RNF224: variants seen among roughly 807,000 people sequenced by gnomAD.
RNF224 encodes the protein ring finger protein 224.
RNF224 carries 1 observed loss-of-function variant against 2.9 expected under a neutral mutation model. The observed-to-expected ratio is 0.35, with a 90% confidence interval of 0.12 to 1.66. The LOEUF (loss-of-function observed/expected upper bound fraction) is 1.66, where lower values mean the gene tolerates loss of function less well. Ranked by LOEUF, RNF224 falls within the 40% of genes most tolerant of loss-of-function variation. The pLI, the probability that RNF224 is intolerant of heterozygous loss-of-function variation, is 0.35. For synonymous variants in RNF224, 116 were observed against 97.6 expected, an observed-to-expected ratio of 1.19 and a Z score of -1.11; for missense variants, 254 against 221.8, an observed-to-expected ratio of 1.15 and a Z score of -0.92.
At position 137,229,078 on chromosome 9, in the gene RNF224, G is replaced by C. The variant is rs761579574; in HGVS notation, c.463G>C (p.Glu155Gln). 3 of 1,522,344 alleles carry C rather than the reference G, an allele frequency of 2.0e-6. No individual in the cohort carries two copies. The highest frequency in any genetic ancestry group is 2.6e-6 in the Non-Finnish European group (3 of 1,135,790). 94.3% of individuals were successfully genotyped at this position (1,522,344 alleles called of 1,614,324 possible). A position where few individuals can be genotyped will look rare whatever the true frequency, so the allele number is the denominator to read the frequency against. ...SLCCPPLGSP[E>Q]V ...CTGCTGCCCACCCCTAGGCAGCCCCGAGGTCTGAACTCTGGCCATTCCCAC... is the reference window on the plus strand; with the variant it reads ...CTGCTGCCCACCCCTAGGCAGCCCCCAGGTCTGAACTCTGGCCATTCCCAC... Residue 155 changes from glutamate to glutamine, a missense_variant, in exon 3 of 3, where the codon GAG becomes CAG. Coordinates refer to ENST00000445101, the MANE Select transcript of RNF224 (RefSeq NM_001190228.2).
Position 137,229,193 on chromosome 9 carries a change from T to C in RNF224, c.*107T>C. Reference sequence around the variant, plus strand: ...AGAACAACCTGGCAGTAGCATCCTATACGCAGCTTCGTGTGGCCCAGCAGG... The same window carrying C: ...AGAACAACCTGGCAGTAGCATCCTACACGCAGCTTCGTGTGGCCCAGCAGG... On this transcript the variant is annotated 3_prime_UTR_variant, in exon 3 of 3. Transcript: ENST00000445101. 1 of 666,378 alleles carries C rather than the reference T, an allele frequency of 1.5e-6. No homozygotes were observed. The highest frequency in any genetic ancestry group is 2.6e-6 in the Non-Finnish European group (1 of 388,782). 41.3% of individuals were successfully genotyped at this position (666,378 alleles called of 1,614,324 possible).
At position 137,228,223 on chromosome 9, in the gene RNF224, G is replaced by T; in HGVS notation, c.-113G>T. The T allele has an allele frequency of 1.9e-6, 2 of 1,078,650 alleles. No individual in the cohort carries two copies. Among genetic ancestry groups the T allele is most frequent in the South Asian group, 2.8e-5 (2 of 72,176 alleles). The allele number at this position is 1,078,650 out of a possible 1,614,324, so 66.8% of individuals were successfully genotyped here. A position where few individuals can be genotyped will look rare whatever the true frequency, so the allele number is the denominator to read the frequency against. Reference sequence around the variant, plus strand: ...ACAGCTGGCCACCTGCCTCTCTCCTGACTCCCGTGCAAGGCCAGTAATGCA... The same window carrying T: ...ACAGCTGGCCACCTGCCTCTCTCCTTACTCCCGTGCAAGGCCAGTAATGCA... On this transcript the variant is annotated 5_prime_UTR_variant, in exon 2 of 3. Transcript: ENST00000445101.
intron 2 of RNF224, 54 bp from the exon 3 acceptor site, chr9:137,228,568 T>C: frequency 7.4e-7 from 1 of 1,355,916 alleles, no homozygotes; most frequent in Non-Finnish European, 9.7e-7. Flanking sequence ...CAGCACCCCA[T>C]CCAGGCGGAA....
At position 137,229,094 on chromosome 9, in the gene RNF224, C is replaced by T; in HGVS notation, c.*8C>T. Reference sequence around the variant, plus strand: ...GGCAGCCCCGAGGTCTGAACTCTGGCCATTCCCACCCCTGCAGGGGAAATG... The same window carrying T: ...GGCAGCCCCGAGGTCTGAACTCTGGTCATTCCCACCCCTGCAGGGGAAATG... On this transcript the variant is annotated 3_prime_UTR_variant, in exon 3 of 3. Coordinates refer to ENST00000445101, the MANE Select transcript of RNF224 (RefSeq NM_001190228.2). 1.4e-6 allele frequency: 2 copies of T among 1,454,656 alleles called. No individual in the cohort carries two copies. The highest frequency in any genetic ancestry group is 5.0e-5 in the East Asian group (2 of 40,134). The allele number at this position is 1,454,656 out of a possible 1,614,324, so 90.1% of individuals were successfully genotyped here.
In RNF224 at chr9:137,228,227, C is replaced by T; in HGVS notation, c.-109C>T. ...CTGGCCACCTGCCTCTCTCCTGACT[C>T]CCGTGCAAGGCCAGTAATGCAACCC... On this transcript the variant is annotated 5_prime_UTR_variant, in exon 2 of 3. Coordinates refer to ENST00000445101, the MANE Select transcript of RNF224 (RefSeq NM_001190228.2). The T allele has an allele frequency of 8.9e-7, 1 of 1,122,884 alleles. No homozygotes were observed. Among genetic ancestry groups the T allele is most frequent in the South Asian group, 1.4e-5 (1 of 73,658 alleles). 69.6% of individuals were successfully genotyped at this position (1,122,884 alleles called of 1,614,324 possible). A position where few individuals can be genotyped will look rare whatever the true frequency, so the allele number is the denominator to read the frequency against.
In RNF224 at chr9:137,229,249, G is replaced by A; in HGVS notation, c.*163G>A. 1 of 603,162 alleles carries A rather than the reference G, an allele frequency of 1.7e-6. No individual in the cohort carries two copies. The highest frequency in any genetic ancestry group is 2.9e-6 in the Non-Finnish European group (1 of 338,988). 37.4% of individuals were successfully genotyped at this position (603,162 alleles called of 1,614,324 possible). The stretch of plus-strand genomic sequence containing the variant: ...GTCATCCCAGCCGTGAACATCCCAG[G>A]CCACAGCCTAAGGTTGGGGGCTGGG... On this transcript the variant is annotated 3_prime_UTR_variant, in exon 3 of 3. Coordinates refer to ENST00000445101, the MANE Select transcript of RNF224 (RefSeq NM_001190228.2).
At position 137,229,138 on chromosome 9, in the gene RNF224, AC is replaced by A; in HGVS notation, c.*54del. The A allele has an allele frequency of 9.3e-7, 1 of 1,070,316 alleles. No homozygotes were observed. The highest frequency in any genetic ancestry group is 1.4e-6 in the Non-Finnish European group (1 of 737,694). 66.3% of individuals were successfully genotyped at this position (1,070,316 alleles called of 1,614,324 possible). The stretch of plus-strand genomic sequence containing the variant: ...GGAAATGCCTGCCTTGGAACCCCTG[AC>A]CACACACCATCATGGGTTCAGCCCA... On this transcript the variant is annotated 3_prime_UTR_variant, in exon 3 of 3. Coordinates refer to ENST00000445101, the MANE Select transcript of RNF224 (RefSeq NM_001190228.2).
At position 137,228,900 on chromosome 9, in the gene RNF224, G is replaced by A; in HGVS notation, c.285G>A (p.Lys95=). 6.5e-7 allele frequency: 1 copy of A among 1,535,740 alleles called. No homozygotes were observed. Among genetic ancestry groups the A allele is most frequent in the Non-Finnish European group, 8.7e-7 (1 of 1,146,814 alleles). Residue 95 remains lysine, a synonymous_variant, in exon 3 of 3, where the codon AAG becomes AAA. Transcript: ENST00000445101. ...ACCTGGCTGCTTTCCTGGCGGTCAA[G>A]GCTGAGCGGGAGCCGGCAAGACTAG... is the stretch of plus-strand genomic sequence containing the variant. ...DLDLAAFLAV[K]AEREPARLEP...
chr9:137,228,896 TC>T lies in RNF224; in HGVS notation c.282del (p.Lys95ArgfsTer9). On this transcript the variant is annotated frameshift_variant, in exon 3 of 3. Transcript: ENST00000445101. LOFTEE classifies it low-confidence loss of function (END_TRUNC). Reference protein sequence around the residue: ...LDLDLAAFLAVKAEREPARLE... With the variant: ...LDLDLAAFLAXKAEREPARLE... ...CTGGACCTGGCTGCTTTCCTGGCGG[TC>T]AAGGCTGAGCGGGAGCCGGCAAGAC... 6.5e-7 allele frequency: 1 copy of T among 1,535,596 alleles called. No homozygotes were observed. Among genetic ancestry groups the T allele is most frequent in the Non-Finnish European group, 8.7e-7 (1 of 1,146,764 alleles).
Position 137,229,502 on chromosome 9 carries a change from G to C in RNF224, c.*416G>C. The stretch of plus-strand genomic sequence containing the variant: ...AGGGCCGGTCTGGCTATGCCTGGCG[G>C]GCTGCCCAGAGCAGGTCTCCCCTCT... On this transcript the variant is annotated 3_prime_UTR_variant, in exon 3 of 3. Transcript: ENST00000445101. 1 of 221,336 alleles carries C rather than the reference G, an allele frequency of 4.5e-6. No homozygotes were observed. The highest frequency in any genetic ancestry group is 9.1e-6 in the Non-Finnish European group (1 of 110,064). 13.7% of individuals were successfully genotyped at this position (221,336 alleles called of 1,614,324 possible).
chr9:137,228,642 C>T lies in RNF224; in HGVS notation c.27C>T (p.Pro9=), dbSNP rs1208918122. The T allele has an allele frequency of 4.8e-6, 7 of 1,447,638 alleles. No individual in the cohort carries two copies. The highest frequency in any genetic ancestry group is 1.4e-5 in the African/African-American group (1 of 70,296). The allele number at this position is 1,447,638 out of a possible 1,614,324, so 89.7% of individuals were successfully genotyped here. Residue 9 remains proline, a synonymous_variant, in exon 3 of 3, where the codon CCC becomes CCT. Coordinates refer to ENST00000445101, the MANE Select transcript of RNF224 (RefSeq NM_001190228.2). MQDAAAGG[P]PGLGGGGPPE... ...GGCAGGATGCTGCAGCCGGAGGGCC[C>T]CCAGGCCTCGGAGGAGGGGGGCCCC...
Position 137,229,148 on chromosome 9 carries a change from A to C in RNF224, c.*62A>C. On this transcript the variant is annotated 3_prime_UTR_variant, in exon 3 of 3. Transcript: ENST00000445101. ...GCCTTGGAACCCCTGACCACACACCATCATGGGTTCAGCCCACTCAGAACA... is the reference window on the plus strand; with the variant it reads ...GCCTTGGAACCCCTGACCACACACCCTCATGGGTTCAGCCCACTCAGAACA... 1 of 981,456 alleles carries C rather than the reference A, an allele frequency of 1.0e-6. No homozygotes were observed. Among genetic ancestry groups the C allele is most frequent in the Non-Finnish European group, 1.5e-6 (1 of 659,956 alleles). The allele number at this position is 981,456 out of a possible 1,614,324, so 60.8% of individuals were successfully genotyped here.
At position 137,228,181 on chromosome 9, in the gene RNF224, G is replaced by C. The variant is rs1025161596; in HGVS notation, c.-155G>C. On this transcript the variant is annotated 5_prime_UTR_variant, in exon 2 of 3. Transcript: ENST00000445101. ...AGTTTCAAGGCTTTGTGGCTGAAAC[G>C]GGAGCCCACGCCCGCCACAGCTGGC... is the stretch of plus-strand genomic sequence containing the variant. 3.0e-6 allele frequency: 2 copies of C among 656,612 alleles called. No homozygotes were observed. Among genetic ancestry groups the C allele is most frequent in the Non-Finnish European group, 5.2e-6 (2 of 387,642 alleles). The allele number at this position is 656,612 out of a possible 1,614,324, so 40.7% of individuals were successfully genotyped here.
chr9:137,228,517 C>T, intron 2 of RNF224, 105 bp from the exon 3 acceptor site: 2 of 1,126,694 alleles, frequency 1.8e-6, no homozygotes, highest in Non-Finnish European at 2.4e-6. Context: ...GCACCACCCC[C>T]ACAGACCCAG....
intron 2 of RNF224, 128 bp from the exon 3 acceptor site, chr9:137,228,493 TC>T: frequency 9.2e-7 from 1 of 1,087,514 alleles, no homozygotes; most frequent in Non-Finnish European, 1.3e-6. Flanking sequence ...CCACGCTCCC[TC>T]CCAGGTCTGC....
chr9:137,227,634 T>C lies in RNF224; in HGVS notation c.-412T>C, dbSNP rs1390368630. On this transcript the variant is annotated 5_prime_UTR_variant, in exon 1 of 3. Coordinates refer to ENST00000445101, the MANE Select transcript of RNF224 (RefSeq NM_001190228.2). Reference sequence around the variant, plus strand: ...TGCCCACCAAGGAGGCGTCTGGCACTGTCTGGGGTCCCGAGCTGGGAGCGG... The same window carrying C: ...TGCCCACCAAGGAGGCGTCTGGCACCGTCTGGGGTCCCGAGCTGGGAGCGG... 6.6e-6 allele frequency: 1 copy of C among 152,082 alleles called. No homozygotes were observed. Among genetic ancestry groups the C allele is most frequent in the Non-Finnish European group, 1.5e-5 (1 of 68,006 alleles). The allele number at this position is 152,082 out of a possible 1,614,324, so 9.4% of individuals were successfully genotyped here. A position where few individuals can be genotyped will look rare whatever the true frequency, so the allele number is the denominator to read the frequency against.
Position 137,229,520 on chromosome 9 carries a change from T to G in RNF224, c.*434T>G. On this transcript the variant is annotated 3_prime_UTR_variant, in exon 3 of 3. Coordinates refer to ENST00000445101, the MANE Select transcript of RNF224 (RefSeq NM_001190228.2). Reference sequence around the variant, plus strand: ...CCTGGCGGGCTGCCCAGAGCAGGTCTCCCCTCTCCCACAGACGTCCCCGGG... The same window carrying G: ...CCTGGCGGGCTGCCCAGAGCAGGTCGCCCCTCTCCCACAGACGTCCCCGGG... 1 of 191,322 alleles carries G rather than the reference T, an allele frequency of 5.2e-6. No individual in the cohort carries two copies. Among genetic ancestry groups the G allele is most frequent in the African/African-American group, 2.3e-5 (1 of 42,974 alleles). 11.9% of individuals were successfully genotyped at this position (191,322 alleles called of 1,614,324 possible).
Position 137,228,829 on chromosome 9 carries a change from C to G in RNF224, c.214C>G (p.Gln72Glu), listed in dbSNP as rs1564411719. ...CTGGATCCCCTGTCCGCAGTGCCGT[C>G]AGAGCACGCCCACGCCTCGCGGAGG... Reference protein sequence around the residue: ...QRWIPCPQCRQSTPTPRGGVA... With the variant: ...QRWIPCPQCRESTPTPRGGVA... The change falls in exon 3 of 3, where the codon CAG becomes GAG. Residue 72 changes from glutamine (Q) to glutamate (E), a missense_variant. Coordinates refer to ENST00000445101, the MANE Select transcript of RNF224 (RefSeq NM_001190228.2). The G allele has an allele frequency of 1.3e-6, 2 of 1,535,544 alleles. No homozygotes were observed. Among genetic ancestry groups the G allele is most frequent in the Non-Finnish European group, 1.7e-6 (2 of 1,146,734 alleles).
chr9:137,228,308 G>A lies in RNF224; in HGVS notation c.-28G>A. The A allele has an allele frequency of 2.0e-6, 3 of 1,528,496 alleles. No homozygotes were observed. Among genetic ancestry groups the A allele is most frequent in the Non-Finnish European group, 2.6e-6 (3 of 1,143,606 alleles). The allele number at this position is 1,528,496 out of a possible 1,614,324, so 94.7% of individuals were successfully genotyped here. A position where few individuals can be genotyped will look rare whatever the true frequency, so the allele number is the denominator to read the frequency against. On this transcript the variant is annotated 5_prime_UTR_variant, in exon 2 of 3. It introduces an in-frame stop codon into an upstream open reading frame of the 5' UTR. Coordinates refer to ENST00000445101, the MANE Select transcript of RNF224 (RefSeq NM_001190228.2). ...CCACTCCCTTCTCCGGCCACCCCGT[G>A]GCTGTGCATAGCTGCCCAGCAGAGC...
Sources: gnomAD v4.1 joint callset for allele counts on GRCh38, gnomAD v4.1.1 for gene constraint, MANE v1.5 for transcripts, NCBI Gene and HGNC (gene_info 2026-07-23, HGNC 2026-07-21) for gene names.